The following ATG5 variants were observed in gnomAD, a reference collection of about 807,000 sequenced individuals.
ATG5 encodes the protein autophagy related 5, also known as autophagy protein 5.
ATG5 carries 14 observed loss-of-function variants against 36.5 expected under a neutral mutation model. The ratio of observed to expected loss-of-function variants is 0.38; its 90% CI spans 0.25 to 0.60. ATG5 has a LOEUF of 0.60. ATG5 is among the 20% of genes least tolerant of loss of function. The pLI, the probability that ATG5 is intolerant of heterozygous loss-of-function variation, is 0.60. For missense variants in ATG5, 195 were observed against 326.7 expected (o/e 0.60, Z 3.11); for synonymous variants, 95 against 101.5 (o/e 0.94, Z 0.38).
At chr6:106,261,945 T>C (rs1779035892) in intron 5 of ATG5, among the ~76,000 whole-genome samples, 1 of 152,140 alleles carries the variant, frequency 6.6e-6, no homozygotes, top group Admixed American at 6.6e-5. Flanking sequence ...CAAAGAATTA[T>C]CCAGTCCAAA....
intron 5 of ATG5, among the ~76,000 whole-genome samples, chr6:106,273,645 A>G (rs1421172534): frequency 6.6e-6 from 1 of 152,204 alleles, no homozygotes; most frequent in East Asian, 1.9e-4. Flanking sequence ...GAGAAAAGTG[A>G]CCTGCCATGA....
intron 7 of ATG5, among the ~76,000 whole-genome samples, chr6:106,190,456 G>C (rs538371200): frequency 2.8e-4 from 42 of 152,248 alleles, no homozygotes; most frequent in African/African-American, 9.9e-4. Context: ...TCTAACATGT[G>C]AATTCTGGGG....
chr6:106,255,041 T>G (rs1458162021), intron 5 of ATG5, among the ~76,000 whole-genome samples: 1 of 152,242 alleles, frequency 6.6e-6, no homozygotes, highest in Admixed American at 6.5e-5. Flanking sequence ...AGGTTCTATC[T>G]TCTCACCCTG....
At chr6:106,258,297 C>T (rs1778878122) in intron 5 of ATG5, among the ~76,000 whole-genome samples, 1 of 151,840 alleles carries the variant, frequency 6.6e-6, no homozygotes, top group Non-Finnish European at 1.5e-5. Context: ...TGCCTGAACC[C>T]AGGAGGTCAA....
intron 3 of ATG5, among the ~76,000 whole-genome samples, chr6:106,301,189 T>C (rs1770192034): frequency 6.6e-6 from 1 of 152,062 alleles, no homozygotes; most frequent in Non-Finnish European, 1.5e-5. Context: ...TATTTTGAGT[T>C]AGGCCAGCAC....
At chr6:106,270,363 T>C (rs746835397) in intron 5 of ATG5, among the ~76,000 whole-genome samples, 19 of 152,202 alleles carry the variant, frequency 1.2e-4, no homozygotes, top group Non-Finnish European at 2.5e-4. Context: ...TGTAGATTCT[T>C]AAATGCCACA....
chr6:106,240,781 GA>G (rs922157877), intron 6 of ATG5, among the ~76,000 whole-genome samples: 7 of 151,846 alleles, frequency 4.6e-5, no homozygotes, highest in African/African-American at 1.7e-4. Context: ...GTAAAAACTA[GA>G]AAAAAAGAAA....
At chr6:106,281,749 G>A (rs1779887579) in intron 4 of ATG5, among the ~76,000 whole-genome samples, 2 of 152,140 alleles carry the variant, frequency 1.3e-5, no homozygotes, top group African/African-American at 4.8e-5. Flanking sequence ...CTTAAAAACT[G>A]CCAAACTATT....
chr6:106,257,182 T>C (rs1438490683), intron 5 of ATG5, among the ~76,000 whole-genome samples: 2 of 152,182 alleles, frequency 1.3e-5, no homozygotes, highest in African/African-American at 2.4e-5. Context: ...GGCAATAACA[T>C]GAGTGAAGCT....
rs1776361614 is a variant in ATG5, at chr6:106,200,146, C to T, written c.691+1826G>A. Among the ~76,000 whole-genome samples, 4 of 152,074 alleles carry T rather than the reference C, an allele frequency of 2.6e-5. No homozygotes were observed. The South Asian group carries it at 8.3e-4, about 32-fold the overall frequency. On this transcript the variant is annotated intron_variant, in intron 7 of 7. Coordinates refer to ENST00000369076, the MANE Select transcript of ATG5 (RefSeq NM_004849.4). ...AAGCATACTTGACTAAGGAAAATTGCAATATTCTCAGGCTGAATGACACAT... is the reference window on the plus strand; with the variant it reads ...AAGCATACTTGACTAAGGAAAATTGTAATATTCTCAGGCTGAATGACACAT...
intron 6 of ATG5, among the ~76,000 whole-genome samples, chr6:106,205,018 T>C (rs1217466839): frequency 6.6e-6 from 1 of 152,200 alleles, no homozygotes; most frequent in East Asian, 1.9e-4. Flanking sequence ...TAATTTAAAA[T>C]AGCCATCCCT....
chr6:106,314,026 T>C (rs1038485051), intron 2 of ATG5, among the ~76,000 whole-genome samples: 1 of 152,168 alleles, frequency 6.6e-6, no homozygotes, highest in South Asian at 2.1e-4. Flanking sequence ...GGGTGAAGAA[T>C]TAGGAAGAAT....
intron 1 of ATG5, among the ~76,000 whole-genome samples, chr6:106,319,634 A>G (rs1373385873): frequency 1.3e-5 from 2 of 152,212 alleles, no homozygotes; most frequent in Non-Finnish European, 2.9e-5. Flanking sequence ...TCTTCTACAC[A>G]TGATTCAGGC....
At chr6:106,279,561 C>T (rs1291673664) in intron 5 of ATG5, 100 bp downstream of exon 5, 1 of 1,082,308 alleles carries the variant, frequency 9.2e-7, no homozygotes, top group African/African-American at 1.6e-5. Context: ...ACAATTTAAA[C>T]TTGTACCACC....
At chr6:106,297,657 A>G (rs1273927141) in intron 3 of ATG5, among the ~76,000 whole-genome samples, 2 of 151,988 alleles carry the variant, frequency 1.3e-5, no homozygotes, top group South Asian at 2.1e-4. Flanking sequence ...AATTTCTAAT[A>G]AAGTTGTTAT....
chr6:106,207,711 A>T (rs1411793260), intron 6 of ATG5, among the ~76,000 whole-genome samples: 1 of 152,230 alleles, frequency 6.6e-6, no homozygotes, highest in Non-Finnish European at 1.5e-5. Context: ...AGTAACAGGC[A>T]CGATCATCAC....
chr6:106,235,342 T>C (rs1208805956), intron 6 of ATG5, among the ~76,000 whole-genome samples: 3 of 152,196 alleles, frequency 2.0e-5, no homozygotes, highest in Non-Finnish European at 2.9e-5. Context: ...CATGCTCCAA[T>C]TGTAATGATA....
chr6:106,292,307 A>G (rs911000354), intron 4 of ATG5, among the ~76,000 whole-genome samples: 1 of 152,252 alleles, frequency 6.6e-6, no homozygotes, highest in Non-Finnish European at 1.5e-5. Flanking sequence ...TTCCAATCAC[A>G]AAAACCAAAT....
intron 2 of ATG5, among the ~76,000 whole-genome samples, chr6:106,309,539 A>C (rs644232): frequency 0.59 from 90,178 of 151,956 alleles, 27,853 homozygotes; most frequent in African/African-American, 0.77. Flanking sequence ...AATATAAGTT[A>C]TTCTTTTATA....
Sources: gnomAD v4.1 joint callset for allele counts (sites outside exome capture counted in the v4.1 genomes callset) on GRCh38, gnomAD v4.1.1 for gene constraint, MANE v1.5 for transcripts, NCBI Gene and HGNC (gene_info 2026-07-23, HGNC 2026-07-21) for gene names.